The following ESYT2 variants were observed in gnomAD, a reference collection of about 807,000 sequenced individuals.
ESYT2 encodes the protein extended synaptotagmin-2.
Under a neutral mutation model 107.2 loss-of-function variants are expected in ESYT2, and 54 were observed. The ratio of observed to expected loss-of-function variants is 0.50; its 90% CI spans 0.40 to 0.63. The LOEUF (loss-of-function observed/expected upper bound fraction) is 0.63. Among genes scored for constraint, ESYT2 ranks in the 30% least tolerant of loss-of-function variants. The pLI is 0.00. For missense variants in ESYT2, 1,020 were observed against 1,094.5 expected, an observed-to-expected ratio of 0.93 and a Z score of 0.96; for synonymous variants, 491 against 434.1, an observed-to-expected ratio of 1.13 and a Z score of -1.63.
At chr7:158,747,556 C>T (rs1837447789) in intron 16 of ESYT2, among the ~76,000 whole-genome samples, 1 of 152,166 alleles carries the variant, frequency 6.6e-6, no homozygotes. Flanking sequence ...TACCCACTAA[C>T]ACCACAGCAC....
In ESYT2 at chr7:158,735,496, C is replaced by A. The variant is rs778352077; in HGVS notation, c.2505+7G>T. 1 of 1,611,606 alleles carries A rather than the reference C, an allele frequency of 6.2e-7. No individual in the cohort carries two copies. The highest frequency in any genetic ancestry group is 8.5e-7 in the Non-Finnish European group (1 of 1,177,844). On this transcript the variant is annotated splice_region_variant and intron_variant, in intron 21 of 22. Coordinates refer to ENST00000275418, the MANE Select transcript of ESYT2 (RefSeq NM_001367773.1). ...AGGAACTGGTTGAGGATTCGTTTGG[C>A]ACTTACTTTGCCAAGGAGCCCTTTG...
At chr7:158,771,105 G>GT (rs1189139339) in intron 7 of ESYT2, among the ~76,000 whole-genome samples, 1 of 152,246 alleles carries the variant, frequency 6.6e-6, no homozygotes, top group East Asian at 1.9e-4. Flanking sequence ...ATTTACGTGT[G>GT]TATGTGTGAA....
chr7:158,769,319 C>T (rs1372911552), intron 7 of ESYT2, among the ~76,000 whole-genome samples: 2 of 152,248 alleles, frequency 1.3e-5, no homozygotes, highest in Non-Finnish European at 2.9e-5. Flanking sequence ...CCAGCAGACA[C>T]TGGCTGTGTG....
chr7:158,760,583 G>A (rs943451104), intron 11 of ESYT2, among the ~76,000 whole-genome samples: 1 of 152,162 alleles, frequency 6.6e-6, no homozygotes, highest in African/African-American at 2.4e-5. Context: ...AGCCTCCCCA[G>A]CAGCTGGGAC....
At position 158,741,798 on chromosome 7, in the gene ESYT2, G is replaced by T; in HGVS notation, c.1893C>A (p.Ile631=). The T allele has an allele frequency of 6.2e-7, 1 of 1,614,054 alleles. No individual in the cohort carries two copies. Among genetic ancestry groups the T allele is most frequent in the Non-Finnish European group, 8.5e-7 (1 of 1,180,006 alleles). The change falls in exon 18 of 23, where the codon ATC becomes ATA. Residue 631 remains isoleucine, a synonymous_variant. Coordinates refer to ENST00000275418, the MANE Select transcript of ESYT2 (RefSeq NM_001367773.1). Reference sequence around the variant, plus strand: ...CTGGAGACCCAGACATATGAGATTTGATGGATGTTTTCCTCCCCTCTTTGG... The same window carrying T: ...CTGGAGACCCAGACATATGAGATTTTATGGATGTTTTCCTCCCCTCTTTGG... ...SVSKEGRKTS[I]KSHMSGSPGP...
Position 158,734,408 on chromosome 7 carries a change from G to A in ESYT2, c.2555+14C>T. 1.2e-6 allele frequency: 2 copies of A among 1,613,754 alleles called. No individual in the cohort carries two copies. The highest frequency in any genetic ancestry group is 1.7e-6 in the Non-Finnish European group (2 of 1,179,784). The stretch of plus-strand genomic sequence containing the variant: ...TACACACTGGGGTTCTCTGTCTGCA[G>A]CAGGGACACTCACCACTGGGTCCAG... On this transcript the variant is annotated intron_variant, in intron 22 of 22. Coordinates refer to ENST00000275418, the MANE Select transcript of ESYT2 (RefSeq NM_001367773.1).
chr7:158,751,226 G>A (rs1414170789), intron 14 of ESYT2, among the ~76,000 whole-genome samples: 2 of 152,218 alleles, frequency 1.3e-5, no homozygotes, highest in South Asian at 2.1e-4. Context: ...AGGTATACCT[G>A]TCAGTGACAT....
chr7:158,795,951 T>C (rs1435555782), intron 3 of ESYT2, among the ~76,000 whole-genome samples: 2 of 152,236 alleles, frequency 1.3e-5, no homozygotes, highest in Admixed American at 1.3e-4. Flanking sequence ...TAACTGCTTC[T>C]GAGACAGAGC....
At chr7:158,751,378 A>G (rs1038613136) in intron 14 of ESYT2, among the ~76,000 whole-genome samples, 1 of 152,218 alleles carries the variant, frequency 6.6e-6, no homozygotes, top group Non-Finnish European at 1.5e-5. Flanking sequence ...ATAAGGTTAA[A>G]TCATTAAGTT....
chr7:158,735,683 G>A (rs1836913508), intron 20 of ESYT2, 75 bp from the exon 21 acceptor site: 2 of 1,209,422 alleles, frequency 1.7e-6, no homozygotes, highest in African/African-American at 1.5e-5. Context: ...TGGCATTTCT[G>A]CTCATGAGAT....
At chr7:158,807,350 T>C (rs1399565370) in intron 1 of ESYT2, among the ~76,000 whole-genome samples, 1 of 152,046 alleles carries the variant, frequency 6.6e-6, no homozygotes, top group Admixed American at 6.6e-5. Context: ...AATTTATCTG[T>C]GAATTTTACA....
chr7:158,734,100 A>C lies in ESYT2; in HGVS notation c.*107T>G. 1 of 1,364,024 alleles carries C rather than the reference A, an allele frequency of 7.3e-7. No homozygotes were observed. The highest frequency in any genetic ancestry group is 1.0e-6 in the Non-Finnish European group (1 of 977,722). The allele number at this position is 1,364,024 out of a possible 1,614,324, so 84.5% of individuals were successfully genotyped here. On this transcript the variant is annotated 3_prime_UTR_variant, in exon 23 of 23. Coordinates refer to ENST00000275418, the MANE Select transcript of ESYT2 (RefSeq NM_001367773.1). Reference sequence around the variant, plus strand: ...TTATAAAACTATTAAGGTATGTATAACTAAATCCATGAAATTATAAAAATA... The same window carrying C: ...TTATAAAACTATTAAGGTATGTATACCTAAATCCATGAAATTATAAAAATA...
rs1283925672 is a variant in ESYT2, at chr7:158,761,490, A to T, written c.1233+6T>A. The T allele has an allele frequency of 6.2e-7, 1 of 1,613,934 alleles. No homozygotes were observed. The stretch of plus-strand genomic sequence containing the variant: ...GTAAACAGACCCACACTCCAGGGAA[A>T]CTTACTTCATCTAAAAGGCGCTCCT... On this transcript the variant is annotated splice_donor_region_variant and intron_variant, in intron 11 of 22. Coordinates refer to ENST00000275418, the MANE Select transcript of ESYT2 (RefSeq NM_001367773.1).
At chr7:158,813,806 C>G (rs1840053556) in intron 1 of ESYT2, among the ~76,000 whole-genome samples, 1 of 152,010 alleles carries the variant, frequency 6.6e-6, no homozygotes, top group African/African-American at 2.4e-5. Flanking sequence ...CGATGACTCT[C>G]ACAGATCAAA....
intron 10 of ESYT2, among the ~76,000 whole-genome samples, chr7:158,762,772 T>A (rs1008857962): frequency 6.6e-6 from 1 of 152,214 alleles, no homozygotes; most frequent in South Asian, 2.1e-4. Context: ...AGGTTCTGCA[T>A]GTAGCTTTAA....
intron 6 of ESYT2, among the ~76,000 whole-genome samples, chr7:158,780,063 C>T (rs975990188): frequency 6.6e-6 from 1 of 152,156 alleles, no homozygotes; most frequent in South Asian, 2.1e-4. Flanking sequence ...AGAGACCATT[C>T]AAGAACAAAG....
chr7:158,812,694 G>T (rs906176924), intron 1 of ESYT2, among the ~76,000 whole-genome samples: 1 of 152,202 alleles, frequency 6.6e-6, no homozygotes, highest in Non-Finnish European at 1.5e-5. Context: ...GAAACAACCC[G>T]AATGGCCATT....
chr7:158,762,997 A>G, intron 10 of ESYT2, 86 bp downstream of exon 10: 1 of 873,724 alleles, frequency 1.1e-6, no homozygotes, highest in African/African-American at 1.7e-5. Flanking sequence ...CAAGTATACA[A>G]ATGTATTTTA....
Position 158,829,157 on chromosome 7 carries a change from G to C in ESYT2, c.262C>G (p.Leu88Val), listed in dbSNP as rs1255777049. 2.6e-6 allele frequency: 4 copies of C among 1,558,406 alleles called. No individual in the cohort carries two copies. The highest frequency in any genetic ancestry group is 3.4e-6 in the Non-Finnish European group (4 of 1,160,866). ...CGCTCCTCGTCTTCCAGCAGCGCCA[G>C]CGCGCGGCACAGGCGCAGGGCCTTG... The part of the protein sequence containing the change: ...GLKALRLCRA[L>V]ALLEDEERVV... The change falls in exon 1 of 23, where the codon CTG becomes GTG. Residue 88 changes from leucine to valine, a missense_variant. By Grantham distance (32) the Leu-to-Val change is conservative. Transcript: ENST00000275418.
Sources: gnomAD v4.1 joint callset for allele counts (sites outside exome capture counted in the v4.1 genomes callset) on GRCh38, gnomAD v4.1.1 for gene constraint, MANE v1.5 for transcripts, NCBI Gene and HGNC (gene_info 2026-07-23, HGNC 2026-07-21) for gene names.